Variants in CFAP299 observed in about 807,000 individuals in gnomAD.
CFAP299 encodes the protein cilia- and flagella-associated protein 299.
CFAP299 carries 21 observed loss-of-function variants against 27.0 expected under a neutral mutation model. That is an observed-to-expected ratio of 0.78 (90% confidence interval 0.55 to 1.12). The LOEUF is 1.12. Among genes scored for constraint, CFAP299 ranks in the 50% most tolerant of loss-of-function variants. The pLI is 0.00. For missense variants in CFAP299, 310 were observed against 276.6 expected, an observed-to-expected ratio of 1.12 and a Z score of -0.86; for synonymous variants, 104 against 98.1, an observed-to-expected ratio of 1.06 and a Z score of -0.36.
At chr4:80,735,857 T>C (rs1418843820) in intron 3 of CFAP299, among the ~76,000 whole-genome samples, 1 of 152,188 alleles carries the variant, frequency 6.6e-6, no homozygotes, top group African/African-American at 2.4e-5. Flanking sequence ...GTTGAGGTTT[T>C]TTACATAAAT....
chr4:80,927,671 T>C lies in CFAP299; in HGVS notation c.477-17139T>C, dbSNP rs73831207. Among the ~76,000 whole-genome samples, 1,248 of 152,218 alleles carry C rather than the reference T, an allele frequency of 8.2e-3. 4 individuals carry two copies. Among genetic ancestry groups the C allele is most frequent in the Middle Eastern group, 0.014 (4 of 294 alleles). ...GGCAAAATCTAGTTCCTTCTGGCTATTGGACTGAGTCCCATGGCCCCTGTA... is the reference window on the plus strand; with the variant it reads ...GGCAAAATCTAGTTCCTTCTGGCTACTGGACTGAGTCCCATGGCCCCTGTA... On this transcript the variant is annotated intron_variant, in intron 4 of 5. Coordinates refer to ENST00000358105, the MANE Select transcript of CFAP299 (RefSeq NM_152770.3).
chr4:80,551,178 T>C (rs1038537102), intron 2 of CFAP299, among the ~76,000 whole-genome samples: 1 of 152,182 alleles, frequency 6.6e-6, no homozygotes, highest in African/African-American at 2.4e-5. Context: ...TCAAATATCA[T>C]ATAGTAAGTG....
chr4:80,425,464 A>G (rs1727489119), intron 2 of CFAP299, among the ~76,000 whole-genome samples: 1 of 152,172 alleles, frequency 6.6e-6, no homozygotes, highest in South Asian at 2.1e-4. Context: ...CTTTGGGGAT[A>G]CCTTTGTTAG....
intron 3 of CFAP299, among the ~76,000 whole-genome samples, chr4:80,628,942 A>G (rs971923702): frequency 2.0e-5 from 3 of 152,230 alleles, no homozygotes; most frequent in East Asian, 1.9e-4. Context: ...TAAAACTGCC[A>G]TATAATCCAG....
chr4:80,890,917 T>C (rs1441813119), intron 4 of CFAP299, among the ~76,000 whole-genome samples: 1 of 148,460 alleles, frequency 6.7e-6, no homozygotes, highest in Non-Finnish European at 1.5e-5. Context: ...TGTTTGTTTT[T>C]TTCTTGTAAA....
chr4:80,884,610 G>T (rs1733880066), intron 4 of CFAP299, among the ~76,000 whole-genome samples: 1 of 122,838 alleles, frequency 8.1e-6, no homozygotes, highest in Middle Eastern at 4.2e-3. Flanking sequence ...AAATAATAAA[G>T]AAAATTATAA....
chr4:80,425,661 C>T (rs751519926), intron 2 of CFAP299, among the ~76,000 whole-genome samples: 6 of 152,164 alleles, frequency 3.9e-5, no homozygotes, highest in Non-Finnish European at 8.8e-5. Flanking sequence ...AGCAAGCCTC[C>T]GAACAGTTGT....
At chr4:80,923,560 C>T (rs1220383595) in intron 4 of CFAP299, among the ~76,000 whole-genome samples, 3 of 152,022 alleles carry the variant, frequency 2.0e-5, no homozygotes, top group Non-Finnish European at 4.4e-5. Flanking sequence ...ATATCCATAA[C>T]TCTACATCCT....
chr4:80,806,445 A>G (rs1183673913), intron 3 of CFAP299, among the ~76,000 whole-genome samples: 1 of 152,204 alleles, frequency 6.6e-6, no homozygotes, highest in Non-Finnish European at 1.5e-5. Flanking sequence ...GAAACACTCT[A>G]TAATTAAGAA....
At chr4:80,664,266 C>G (rs967148563) in intron 3 of CFAP299, among the ~76,000 whole-genome samples, 14 of 152,114 alleles carry the variant, frequency 9.2e-5, no homozygotes, top group African/African-American at 2.9e-4. Context: ...AGCTCGAGCA[C>G]TATGCTGGGA....
At chr4:80,458,845 C>T (rs1358076098) in intron 2 of CFAP299, among the ~76,000 whole-genome samples, 2 of 152,168 alleles carry the variant, frequency 1.3e-5, no homozygotes, top group African/African-American at 2.4e-5. Flanking sequence ...ATCCCAATAA[C>T]AGATCTGTTC....
At chr4:80,636,730 A>G (rs1728279111) in intron 3 of CFAP299, among the ~76,000 whole-genome samples, 2 of 152,220 alleles carry the variant, frequency 1.3e-5, no homozygotes, top group African/African-American at 2.4e-5. Context: ...CAGCCTACCT[A>G]ATGTTTTATC....
intron 3 of CFAP299, among the ~76,000 whole-genome samples, chr4:80,694,899 T>C (rs745738559): frequency 2.6e-5 from 4 of 152,212 alleles, no homozygotes; most frequent in Non-Finnish European, 4.4e-5. Context: ...AATAAAAGCC[T>C]CATTTACATG....
intron 3 of CFAP299, among the ~76,000 whole-genome samples, chr4:80,858,898 T>C (rs1307212547): frequency 6.6e-6 from 1 of 152,070 alleles, no homozygotes; most frequent in Non-Finnish European, 1.5e-5. Flanking sequence ...TGATTTGGGG[T>C]GGAGAGTTCT....
rs141329709 is a variant in CFAP299, at chr4:80,587,696, A to G, written c.333+4513A>G. Among the ~76,000 whole-genome samples, 182 of 152,092 alleles carry G rather than the reference A, an allele frequency of 1.2e-3. 1 individual carries two copies. Among genetic ancestry groups the G allele is most frequent in the African/African-American group, 4.2e-3 (175 of 41,508 alleles). On this transcript the variant is annotated intron_variant, in intron 3 of 5. Transcript: ENST00000358105. ...CAGCCAAGATCTCCTGGGCTCAAGT[A>G]TCCTCCCACCTCAGCCTCCTGAAAA...
Position 80,535,494 on chromosome 4 carries a change from CAAAAAAAA to C in CFAP299, c.243-47576_243-47569del, listed in dbSNP as rs143122836. 2.9e-3 allele frequency among the ~76,000 whole-genome samples: 97 copies of C among 33,270 alleles called. 2 individuals are homozygous for C. Among genetic ancestry groups the C allele is most frequent in the African/African-American group, 6.0e-3 (90 of 15,104 alleles). 21.8% of individuals were successfully genotyped at this position (33,270 alleles called of 152,430 possible). On this transcript the variant is annotated intron_variant, in intron 2 of 5. Transcript: ENST00000358105. ...TGGGCGACAGAGCGAGACTCCGTCT[CAAAAAAAA>C]AAAAAAAAAAAAAAAAAAAAAAGAA...
chr4:80,826,229 T>C (rs1245092831), intron 3 of CFAP299, among the ~76,000 whole-genome samples: 1 of 151,308 alleles, frequency 6.6e-6, no homozygotes, highest in Non-Finnish European at 1.5e-5. Context: ...TTATGTAATA[T>C]ACACAAGAGA....
At chr4:80,728,805 A>G (rs1222868850) in intron 3 of CFAP299, among the ~76,000 whole-genome samples, 1 of 152,188 alleles carries the variant, frequency 6.6e-6, no homozygotes, top group Admixed American at 6.5e-5. Context: ...ATTGCTGTCA[A>G]TGTGGTCTCT....
chr4:80,623,990 A>G (rs944052888), intron 3 of CFAP299, among the ~76,000 whole-genome samples: 9 of 152,052 alleles, frequency 5.9e-5, no homozygotes, highest in African/African-American at 2.2e-4. Context: ...ACATAACCCA[A>G]TGCTGTGCCT....
Sources: allele counts gnomAD v4.1 joint callset (sites outside exome capture counted in the v4.1 genomes callset), GRCh38; gene constraint gnomAD v4.1.1; transcripts MANE v1.5; gene names NCBI Gene and HGNC (gene_info 2026-07-23, HGNC 2026-07-21).